Variants in NR4A3 observed in about 807,000 individuals in gnomAD.
NR4A3 encodes the protein nuclear receptor subfamily 4 group A member 3.
Under a neutral mutation model 55.6 loss-of-function variants are expected in NR4A3, and 13 were observed. The ratio of observed to expected loss-of-function variants is 0.23; its 90% CI spans 0.15 to 0.37. The LOEUF is 0.37. Ranked by LOEUF, NR4A3 falls within the 10% of genes least tolerant of loss-of-function variation. NR4A3 has a pLI of 1.00. For missense variants in NR4A3, 646 were observed against 822.8 expected, an observed-to-expected ratio of 0.79 and a Z score of 2.63; for synonymous variants, 342 against 357.9, an observed-to-expected ratio of 0.96 and a Z score of 0.50.
chr9:99,853,106 T>G (rs964287735), intron 7 of NR4A3, among the ~76,000 whole-genome samples: 10 of 152,132 alleles, frequency 6.6e-5, no homozygotes, highest in Admixed American at 6.5e-4. Context: ...GAATCTCAAT[T>G]TCCTTCCTTC....
Position 99,864,574 on chromosome 9 carries a change from T to C in NR4A3, c.*707T>C, listed in dbSNP as rs922882545. On this transcript the variant is annotated 3_prime_UTR_variant, in exon 8 of 8. Transcript: ENST00000395097. ...GCAGTCATGTTAGCAAATGACACGT[T>C]AATATCCCTAGCAGAGGCTGTGTTC... 29 of 227,870 alleles carry C rather than the reference T, an allele frequency of 1.3e-4. No individual in the cohort carries two copies. The highest frequency in any genetic ancestry group is 4.4e-4 in the African/African-American group (20 of 45,034). 14.1% of individuals were successfully genotyped at this position (227,870 alleles called of 1,614,324 possible).
intron 3 of NR4A3, 66 bp downstream of exon 3, chr9:99,829,059 T>G: frequency 2.4e-6 from 3 of 1,270,808 alleles, no homozygotes; most frequent in South Asian, 5.0e-5. Flanking sequence ...TCTAAGTGAG[T>G]GTAGGAGCAT....
At chr9:99,829,144 C>G in intron 3 of NR4A3, 151 bp downstream of exon 3, 2 of 1,010,030 alleles carry the variant, frequency 2.0e-6, no homozygotes, top group Non-Finnish European at 2.6e-6. Flanking sequence ...ACCTTCACAT[C>G]CATTTTCTCA....
chr9:99,834,024 C>T, intron 5 of NR4A3: 1 of 1,098,268 alleles, frequency 9.1e-7, no homozygotes, highest in South Asian at 3.5e-5. Flanking sequence ...CTCTCTCCTG[C>T]CTACAGTGGA....
At position 99,864,572 on chromosome 9, in the gene NR4A3, G is replaced by A. The variant is rs997243575; in HGVS notation, c.*705G>A. Reference sequence around the variant, plus strand: ...AGGCAGTCATGTTAGCAAATGACACGTTAATATCCCTAGCAGAGGCTGTGT... The same window carrying A: ...AGGCAGTCATGTTAGCAAATGACACATTAATATCCCTAGCAGAGGCTGTGT... On this transcript the variant is annotated 3_prime_UTR_variant, in exon 8 of 8. Transcript: ENST00000395097. 2.2e-5 allele frequency: 5 copies of A among 227,710 alleles called. No homozygotes were observed. The highest frequency in any genetic ancestry group is 2.7e-3 in the Middle Eastern group (2 of 750). 14.1% of individuals were successfully genotyped at this position (227,710 alleles called of 1,614,324 possible). A position where few individuals can be genotyped will look rare whatever the true frequency, so the allele number is the denominator to read the frequency against.
intron 7 of NR4A3, among the ~76,000 whole-genome samples, chr9:99,849,217 G>T (rs971864278): frequency 5.7e-4 from 87 of 152,268 alleles, no homozygotes; most frequent in African/African-American, 2.0e-3. Context: ...GGCTAGGCTG[G>T]TTCATCATTT....
chr9:99,829,911 G>C (rs1827406670), intron 3 of NR4A3, among the ~76,000 whole-genome samples: 2 of 152,166 alleles, frequency 1.3e-5, no homozygotes, highest in Non-Finnish European at 1.5e-5. Flanking sequence ...TGATTTAACT[G>C]CCCATGAGAT....
chr9:99,848,842 C>T (rs148526438), intron 7 of NR4A3, among the ~76,000 whole-genome samples: 334 of 152,260 alleles, frequency 2.2e-3, no homozygotes, highest in African/African-American at 7.7e-3. Flanking sequence ...CCCTTTGCCC[C>T]GGGGGAGAGT....
chr9:99,860,696 G>T (rs1342157007), intron 7 of NR4A3, among the ~76,000 whole-genome samples: 1 of 152,172 alleles, frequency 6.6e-6, no homozygotes, highest in Non-Finnish European at 1.5e-5. Flanking sequence ...TCCGCACCTG[G>T]GCTGATTAGC....
chr9:99,866,105 G>A lies in NR4A3; in HGVS notation c.*2238G>A. The A allele has an allele frequency of 4.7e-6, 1 of 211,998 alleles. No individual in the cohort carries two copies. Among genetic ancestry groups the A allele is most frequent in the South Asian group, 1.9e-4 (1 of 5,330 alleles). 13.1% of individuals were successfully genotyped at this position (211,998 alleles called of 1,614,324 possible). A position where few individuals can be genotyped will look rare whatever the true frequency, so the allele number is the denominator to read the frequency against. On this transcript the variant is annotated 3_prime_UTR_variant, in exon 8 of 8. Coordinates refer to ENST00000395097, the MANE Select transcript of NR4A3 (RefSeq NM_006981.4). ...AATATTTACCTGAAGATAACCATGA[G>A]TAAAGTATACTTTTGCATTAATTTT...
At chr9:99,859,212 T>G (rs1031012768) in intron 7 of NR4A3, among the ~76,000 whole-genome samples, 21 of 152,210 alleles carry the variant, frequency 1.4e-4, no homozygotes, top group Admixed American at 1.3e-3. Context: ...CTGTGTATAA[T>G]TCTCTAGGAA....
At chr9:99,861,921 C>T (rs1828014668) in intron 7 of NR4A3, among the ~76,000 whole-genome samples, 1 of 151,124 alleles carries the variant, frequency 6.6e-6, no homozygotes, top group Non-Finnish European at 1.5e-5. Context: ...TGAGGCCCTG[C>T]CTCTACAAAA....
intron 1 of NR4A3, among the ~76,000 whole-genome samples, chr9:99,823,165 G>A (rs1025764390): frequency 1.3e-5 from 2 of 152,122 alleles, no homozygotes; most frequent in Non-Finnish European, 2.9e-5. Flanking sequence ...ACGTTGGCTC[G>A]GTGTGGGAAA....
chr9:99,863,564 G>A (rs1828044367), intron 7 of NR4A3, 56 bp from the exon 8 acceptor site: 3 of 1,555,106 alleles, frequency 1.9e-6, no homozygotes, highest in Non-Finnish European at 2.6e-6. Context: ...GGGATTCAAA[G>A]TGTCTTAAGA....
chr9:99,836,323 G>T (rs1367777844), intron 5 of NR4A3, among the ~76,000 whole-genome samples: 3 of 152,210 alleles, frequency 2.0e-5, no homozygotes, highest in Non-Finnish European at 4.4e-5. Flanking sequence ...ATGTTAAGAA[G>T]ATCTGGGGAG....
chr9:99,861,446 G>T (rs1411018757), intron 7 of NR4A3, among the ~76,000 whole-genome samples: 1 of 151,714 alleles, frequency 6.6e-6, no homozygotes, highest in African/African-American at 2.4e-5. Context: ...TTTGAAACCG[G>T]GAATGTTGCA....
intron 7 of NR4A3, among the ~76,000 whole-genome samples, chr9:99,848,465 C>A (rs1180238179): frequency 6.6e-6 from 1 of 152,168 alleles, no homozygotes; most frequent in African/African-American, 2.4e-5. Context: ...CTGTCTCACC[C>A]TCCTGAGTAG....
chr9:99,832,002 T>C (rs1174301364), intron 3 of NR4A3, among the ~76,000 whole-genome samples: 1 of 152,186 alleles, frequency 6.6e-6, no homozygotes, highest in Non-Finnish European at 1.5e-5. Flanking sequence ...GTCTCATTTT[T>C]CGTTTGTACC....
intron 3 of NR4A3, among the ~76,000 whole-genome samples, chr9:99,830,601 G>C (rs140577121): frequency 1.3e-5 from 2 of 152,314 alleles, no homozygotes; most frequent in East Asian, 3.9e-4. Flanking sequence ...TTGGGATTAT[G>C]ATGTTTTAAA....
Sources: allele counts gnomAD v4.1 joint callset (sites outside exome capture counted in the v4.1 genomes callset), GRCh38; gene constraint gnomAD v4.1.1; transcripts MANE v1.5; gene names NCBI Gene and HGNC (gene_info 2026-07-23, HGNC 2026-07-21).